The following MICAL3 variants were observed in gnomAD, a reference collection of about 807,000 sequenced individuals.
MICAL3 encodes microtubule associated monooxygenase, calponin and LIM domain containing 3.
A neutral mutation model predicts 207.4 loss-of-function variants in MICAL3; 62 were observed. The ratio of observed to expected loss-of-function variants is 0.30; its 90% CI spans 0.24 to 0.37. The LOEUF is 0.37. MICAL3 is among the 10% of genes least tolerant of loss of function. The pLI, the probability that MICAL3 is intolerant of heterozygous loss-of-function variation, is 1.00. For synonymous variants in MICAL3, 1,077 were observed against 1,069.3 expected, an observed-to-expected ratio of 1.01 and a Z score of -0.14; for missense variants, 2,368 against 2,635.6, an observed-to-expected ratio of 0.90 and a Z score of 2.22.
At position 17,818,501 on chromosome 22, in the gene MICAL3, T is replaced by C. The variant is rs1327441459; in HGVS notation, c.4160A>G (p.Lys1387Arg). Reference sequence around the variant, plus strand: ...TTCCGGCTTTGGCAGGCCCAGCCTTTTGGGGATGGACAGAGGCTTGAGAAG... The same window carrying C: ...TTCCGGCTTTGGCAGGCCCAGCCTTCTGGGGATGGACAGAGGCTTGAGAAG... The part of the protein sequence containing the change: ...LHLLKPLSIP[K>R]RLGLPKPEGE... The change falls in exon 26 of 32, where the codon AAA becomes AGA. Residue 1387 changes from lysine to arginine, a missense_variant. Coordinates refer to ENST00000441493, the MANE Select transcript of MICAL3 (RefSeq NM_015241.3). 4 of 1,613,074 alleles carry C rather than the reference T, an allele frequency of 2.5e-6. No homozygotes were observed. The highest frequency in any genetic ancestry group is 3.4e-6 in the Non-Finnish European group (4 of 1,179,856).
intron 12 of MICAL3, among the ~76,000 whole-genome samples, chr22:17,890,450 C>T (rs1029161876): frequency 6.6e-6 from 1 of 152,154 alleles, no homozygotes; most frequent in Non-Finnish European, 1.5e-5. Context: ...CTTTCCCAAG[C>T]TGCTCTTCCT....
intron 1 of MICAL3, among the ~76,000 whole-genome samples, chr22:17,985,346 G>A (rs396762): frequency 0.56 from 84,907 of 151,438 alleles, 23,992 homozygotes; most frequent in Middle Eastern, 0.68. Flanking sequence ...AACATGAACC[G>A]TGAACTCTGA....
chr22:17,988,673 G>A (rs533894926), intron 1 of MICAL3, among the ~76,000 whole-genome samples: 16 of 152,144 alleles, frequency 1.1e-4, no homozygotes, highest in African/African-American at 3.4e-4. Flanking sequence ...GGCCAGGCTG[G>A]TCTTGAACTC....
intron 1 of MICAL3, among the ~76,000 whole-genome samples, chr22:17,934,966 A>C (rs1184338170): frequency 6.6e-6 from 1 of 152,224 alleles, no homozygotes; most frequent in Non-Finnish European, 1.5e-5. Flanking sequence ...AGAGGACACA[A>C]ACAAATGGAA....
At chr22:18,005,565 G>A (rs529236209) in intron 1 of MICAL3, 32 of 152,264 alleles carry the variant, frequency 2.1e-4, no homozygotes, top group African/African-American at 6.7e-4. Context: ...GCTTACAGGG[G>A]GCCAGAAAAC....
chr22:17,906,825 T>C lies in MICAL3; in HGVS notation c.-13A>G, dbSNP rs764342260. ...TCCTCTCCTCCATGCTGCCTCACTCTCAGCACTCCCCAGAGGGGGAGGTGG... is the reference window on the plus strand; with the variant it reads ...TCCTCTCCTCCATGCTGCCTCACTCCCAGCACTCCCCAGAGGGGGAGGTGG... On this transcript the variant is annotated 5_prime_UTR_variant, in exon 2 of 32. Coordinates refer to ENST00000441493, the MANE Select transcript of MICAL3 (RefSeq NM_015241.3). 1 of 1,583,080 alleles carries C rather than the reference T, an allele frequency of 6.3e-7. No homozygotes were observed. The highest frequency in any genetic ancestry group is 8.6e-7 in the Non-Finnish European group (1 of 1,162,170).
intron 16 of MICAL3, among the ~76,000 whole-genome samples, chr22:17,885,537 T>C (rs920685035): frequency 6.6e-6 from 1 of 152,216 alleles, no homozygotes; most frequent in African/African-American, 2.4e-5. Context: ...TTACTGTACT[T>C]TTCAGCATTT....
At chr22:17,794,766 C>T (rs760121663) in intron 29 of MICAL3, among the ~76,000 whole-genome samples, 8 of 152,160 alleles carry the variant, frequency 5.3e-5, no homozygotes, top group Admixed American at 2.0e-4. Flanking sequence ...GCTGACGGGG[C>T]ATCGAGAGAC....
chr22:17,820,951 CATAAATTTTAATAAATTTATATTTATA>C (rs1921556485), intron 25 of MICAL3, among the ~76,000 whole-genome samples: 1 of 139,680 alleles, frequency 7.2e-6, no homozygotes. Context: ...TGTTTATAAA[CATAAATTTTAATAAATTTATATTTATA>C]AACATAAATT....
rs1382351421 is a variant in MICAL3 at position 17,793,549 on chromosome 22, C to T, written c.5651-2248G>A. ...TCTGCACCCTGGTCCTCCCCATAGA[C>T]AGTCAAAGGGATACTGTACCTTTAG... is the stretch of plus-strand genomic sequence containing the variant. On this transcript the variant is annotated intron_variant, in intron 29 of 31. Coordinates refer to ENST00000441493, the MANE Select transcript of MICAL3 (RefSeq NM_015241.3). This position sits in a 1 kb window ranked among gnomAD's most constrained non-coding sequence, Gnocchi z 4.1. Among the ~76,000 whole-genome samples, 1 of 152,192 alleles carries T rather than the reference C, an allele frequency of 6.6e-6. No individual in the cohort carries two copies. Among genetic ancestry groups the T allele is most frequent in the Admixed American group, 6.5e-5 (1 of 15,288 alleles).
At chr22:17,849,093 G>A (rs865829378) in intron 19 of MICAL3, among the ~76,000 whole-genome samples, 40 of 152,332 alleles carry the variant, frequency 2.6e-4, no homozygotes, top group African/African-American at 9.1e-4. Flanking sequence ...ATGATATGAG[G>A]TATTTCTTGC....
intron 1 of MICAL3, among the ~76,000 whole-genome samples, chr22:17,914,551 A>C (rs1932355292): frequency 6.6e-6 from 1 of 152,208 alleles, no homozygotes; most frequent in African/African-American, 2.4e-5. Context: ...ATGAGAATGC[A>C]TGCCTCCAGT....
intron 1 of MICAL3, among the ~76,000 whole-genome samples, chr22:17,915,990 G>A (rs558027844): frequency 1.5e-4 from 22 of 144,578 alleles, no homozygotes; most frequent in Non-Finnish European, 2.6e-4. Context: ...CCAGGAGGTC[G>A]AGGCTGCAGT....
intron 1 of MICAL3, among the ~76,000 whole-genome samples, chr22:17,953,893 T>C (rs1459040970): frequency 7.8e-6 from 1 of 128,560 alleles, no homozygotes; most frequent in Non-Finnish European, 1.6e-5. Context: ...ATCACACCAC[T>C]GCATTCCAGC....
Position 17,808,903 on chromosome 22 carries a change from C to G in MICAL3, c.5591G>C (p.Arg1864Thr). The part of the protein sequence containing the change: ...IQRQLQQVEE[R>T]QRRLEERGVA... ...GCCCCTTTCCTCCAGCCGCCGCTGC[C>G]TCTCCTCCACCTGCTGCAGCTGCCG... Residue 1864 changes from arginine (R) to threonine (T), a missense_variant, in exon 29 of 32, where the codon AGG becomes ACG. Arg to Thr is a moderately conservative substitution (Grantham distance 71, BLOSUM62 -1). This residue lies in a region of MICAL3 where 1,770 missense variants were observed against 1,863.2 expected (regional missense o/e 0.95). Coordinates refer to ENST00000441493, the MANE Select transcript of MICAL3 (RefSeq NM_015241.3). The G allele has an allele frequency of 1.9e-6, 3 of 1,554,192 alleles. No individual in the cohort carries two copies. The highest frequency in any genetic ancestry group is 2.6e-6 in the Non-Finnish European group (3 of 1,148,874).
intron 1 of MICAL3, among the ~76,000 whole-genome samples, chr22:17,922,764 C>A (rs1015178842): frequency 2.6e-5 from 4 of 152,112 alleles, no homozygotes; most frequent in African/African-American, 9.7e-5. Flanking sequence ...CATGCTCAAA[C>A]CCAAGCAGTG....
intron 19 of MICAL3, among the ~76,000 whole-genome samples, chr22:17,857,116 C>T (rs575041861): frequency 2.7e-4 from 41 of 152,312 alleles, no homozygotes; most frequent in African/African-American, 9.9e-4. Flanking sequence ...CCAGGTTGTA[C>T]TTTGTCCATG....
chr22:17,863,143 T>C (rs1479772355), intron 19 of MICAL3: 3 of 985,316 alleles, frequency 3.0e-6, no homozygotes, highest in Non-Finnish European at 2.4e-6. Context: ...TACTTTCAAT[T>C]AGATGGCAAG....
chr22:17,906,414 A>G, intron 2 of MICAL3, 135 bp downstream of exon 2: 7 of 1,563,482 alleles, frequency 4.5e-6, no homozygotes, highest in Non-Finnish European at 6.2e-6. Flanking sequence ...TGGCTCTGGC[A>G]CAGAACTTGC....
Sources: gnomAD v4.1 joint callset for allele counts (sites outside exome capture counted in the v4.1 genomes callset) on GRCh38, gnomAD v4.1.1 for gene constraint, gnomAD v4.1.1 regional missense constraint, Gnocchi (gnomAD v3.1) non-coding constraint, MANE v1.5 for transcripts, NCBI Gene and HGNC (gene_info 2026-07-23, HGNC 2026-07-21) for gene names.